Variants in ZNF221 observed in about 807,000 individuals in gnomAD.
ZNF221 encodes zinc finger protein 221.
ZNF221 carries 10 observed loss-of-function variants against 12.6 expected under a neutral mutation model. The observed-to-expected ratio is 0.79, with a 90% CI of 0.49 to 1.34. ZNF221 has a LOEUF of 1.34. ZNF221 is among the 40% of genes most tolerant of loss of function. The probability of loss-of-function intolerance (pLI) is 0.00; values close to 1 mark genes in which losing one functional copy is unlikely to be tolerated. For missense variants in ZNF221, 661 were observed against 721.4 expected (o/e 0.92, Z 0.96); for synonymous variants, 232 against 244.0 (o/e 0.95, Z 0.46).
At chr19:43,974,668 A>G in the ZNF221 span, among the ~76,000 whole-genome samples, 1 of 152,190 alleles carries the variant, frequency 6.6e-6, no homozygotes, top group African/African-American at 2.4e-5. Flanking sequence ...GATAAATGCA[A>G]ATCAAAACCA....
In ZNF221 at chr19:43,966,268, T is replaced by G; in HGVS notation, c.766T>G (p.Cys256Gly). Residue 256 changes from cysteine to glycine, a missense_variant, in exon 5 of 5, where the codon TGT becomes GGT. Cys to Gly is a radical substitution (Grantham distance 159, BLOSUM62 -3). Coordinates refer to ENST00000587682, the MANE Select transcript of ZNF221 (RefSeq NM_001297588.2). Reference sequence around the variant, plus strand: ...CCATACTGGAGAGAAACCATTCAAATGTGGGCAATGTGGGAAAGGCTTCCA... The same window carrying G: ...CCATACTGGAGAGAAACCATTCAAAGGTGGGCAATGTGGGAAAGGCTTCCA... Reference protein sequence around the residue: ...RVHTGEKPFKCGQCGKGFHSR... With the variant: ...RVHTGEKPFKGGQCGKGFHSR... The G allele has an allele frequency of 1.9e-6, 3 of 1,614,098 alleles. No homozygotes were observed. Among genetic ancestry groups the G allele is most frequent in the Non-Finnish European group, 2.5e-6 (3 of 1,180,038 alleles).
the ZNF221 span, among the ~76,000 whole-genome samples, chr19:43,973,594 C>T: frequency 6.6e-6 from 1 of 152,204 alleles, no homozygotes; most frequent in Admixed American, 6.5e-5. Context: ...GCTAGCATTC[C>T]TATAAACCAA....
At chr19:43,968,926 A>T (rs908581772), downstream of ZNF221, among the ~76,000 whole-genome samples, 1 of 152,168 alleles carries the variant, frequency 6.6e-6, no homozygotes, top group African/African-American at 2.4e-5. Context: ...GGTTTGATAC[A>T]CAGAGCTGTG....
chr19:43,971,498 G>A (rs441794), downstream of ZNF221, among the ~76,000 whole-genome samples: 117,419 of 151,670 alleles, frequency 0.77, 46,518 homozygotes, highest in Middle Eastern at 0.89. Flanking sequence ...TTGATACGCC[G>A]TGTTTAAGAG....
chr19:43,965,146 T>C, intron 3 of ZNF221, 70 bp downstream of exon 3: 1 of 1,600,732 alleles, frequency 6.2e-7, no homozygotes, highest in East Asian at 2.2e-5. Context: ...AGTTTGAGTA[T>C]GCATTGGGAA....
the ZNF221 span, among the ~76,000 whole-genome samples, chr19:43,973,359 G>A: frequency 3.3e-5 from 5 of 151,874 alleles, no homozygotes; most frequent in East Asian, 5.8e-4. Context: ...CCAGCCCCCC[G>A]CCCTTTCCCC....
At chr19:43,974,798 C>T in the ZNF221 span, among the ~76,000 whole-genome samples, 2 of 152,098 alleles carry the variant, frequency 1.3e-5, no homozygotes. Context: ...GTGGGTGGAT[C>T]ACTTGAGGTC....
Position 43,966,151 on chromosome 19 carries a change from C to T in ZNF221, c.649C>T (p.Gln217Ter). The change falls in exon 5 of 5, where the codon CAG becomes TAG. Residue 217 changes from glutamine to a stop codon, truncating the protein, a stop_gained. Coordinates refer to ENST00000587682, the MANE Select transcript of ZNF221 (RefSeq NM_001297588.2). LOFTEE classifies it low-confidence loss of function (END_TRUNC). ...TTACAGCCCAGCCCTTCATATTCAT[C>T]AGAGAGTCCATATGGGAGAAAAATG... The part of the protein sequence containing the change: ...FCYSPALHIH[Q>*]RVHMGEKCYK... 6.2e-7 allele frequency: 1 copy of T among 1,614,202 alleles called. No individual in the cohort carries two copies. The highest frequency in any genetic ancestry group is 1.1e-5 in the South Asian group (1 of 91,086).
intron 1 of ZNF221, among the ~76,000 whole-genome samples, chr19:43,954,426 G>A (rs1460611240): frequency 6.6e-6 from 1 of 152,138 alleles, no homozygotes; most frequent in Non-Finnish European, 1.5e-5. Context: ...ACCTTTGGAA[G>A]GGACATTAGA....
rs758117988 is a variant in ZNF221, at chr19:43,967,174, G to A, written c.1672G>A (p.Gly558Arg). The change falls in exon 5 of 5, where the codon GGA (glycine) becomes AGA (arginine). Residue 558 changes from glycine to arginine, a missense_variant. By Grantham distance (125) the Gly-to-Arg change is moderately radical. Coordinates refer to ENST00000587682, the MANE Select transcript of ZNF221 (RefSeq NM_001297588.2). ...NLDMHQRVHGGERPYNCKECG... is the reference protein window; with the variant it reads ...NLDMHQRVHGRERPYNCKECG... ...TGACATGCACCAGAGGGTCCACGGG[G>A]GAGAGCGACCCTATAATTGTAAGGA... The A allele has an allele frequency of 1.3e-6, 2 of 1,593,718 alleles. No homozygotes were observed. The highest frequency in any genetic ancestry group is 1.1e-5 in the South Asian group (1 of 88,818).
At chr19:43,970,202 T>TCAAAG (rs1555757160), downstream of ZNF221, among the ~76,000 whole-genome samples, 1 of 151,888 alleles carries the variant, frequency 6.6e-6, no homozygotes, top group Non-Finnish European at 1.5e-5. Flanking sequence ...GCTTGACTGT[T>TCAAAG]AAAAACAGGC....
intron 1 of ZNF221, among the ~76,000 whole-genome samples, chr19:43,958,150 C>T (rs1351428266): frequency 6.6e-6 from 1 of 152,200 alleles, no homozygotes; most frequent in African/African-American, 2.4e-5. Flanking sequence ...CAATTTGGCC[C>T]AGTTAAACAG....
Position 43,966,113 on chromosome 19 carries a change from G to A in ZNF221, c.611G>A (p.Gly204Glu), listed in dbSNP as rs1974946324. Residue 204 changes from glycine (G) to glutamate (E), a missense_variant, in exon 5 of 5, where the codon GGA becomes GAA. Transcript: ENST00000587682. ...GEKSHTCGEC[G>E]KSFCYSPALH... ...AAATCTCATACATGTGGTGAGTGTG[G>A]AAAAAGCTTCTGTTACAGCCCAGCC... is the stretch of plus-strand genomic sequence containing the variant. The A allele has an allele frequency of 6.2e-7, 1 of 1,614,080 alleles. No individual in the cohort carries two copies. Among genetic ancestry groups the A allele is most frequent in the Admixed American group, 1.7e-5 (1 of 60,004 alleles).
chr19:43,953,643 ACT>A (rs1455611706), intron 1 of ZNF221, among the ~76,000 whole-genome samples: 1 of 152,132 alleles, frequency 6.6e-6, no homozygotes, highest in African/African-American at 2.4e-5. Flanking sequence ...GCCAGCCATC[ACT>A]CAATTCATGA....
At chr19:43,954,365 T>G in intron 1 of ZNF221, among the ~76,000 whole-genome samples, 1 of 152,184 alleles carries the variant, frequency 6.6e-6, no homozygotes, top group East Asian at 1.9e-4. Flanking sequence ...ATTCATTCCT[T>G]TACCCTCAGC....
intron 1 of ZNF221, among the ~76,000 whole-genome samples, chr19:43,958,502 A>G (rs1408656039): frequency 6.6e-6 from 1 of 152,162 alleles, no homozygotes; most frequent in African/African-American, 2.4e-5. Context: ...TATCCAGTTG[A>G]TCAGGCTGGC....
intron 1 of ZNF221, among the ~76,000 whole-genome samples, chr19:43,953,140 G>A (rs954116819): frequency 6.6e-6 from 1 of 151,830 alleles, no homozygotes; most frequent in Non-Finnish European, 1.5e-5. Flanking sequence ...TAGTAAAGAC[G>A]AGTTTTCACC....
At chr19:43,978,210 G>T in the ZNF221 span, among the ~76,000 whole-genome samples, 1 of 152,210 alleles carries the variant, frequency 6.6e-6, no homozygotes, top group Non-Finnish European at 1.5e-5. Flanking sequence ...AAGCTGCATT[G>T]TAGAGTTTAG....
In ZNF221 at chr19:43,967,231, C is replaced by T; in HGVS notation, c.1729C>T (p.Leu577Phe). 6.2e-7 allele frequency: 1 copy of T among 1,614,160 alleles called. No homozygotes were observed. The highest frequency in any genetic ancestry group is 1.3e-5 in the African/African-American group (1 of 75,016). Residue 577 changes from leucine to phenylalanine, a missense_variant, in exon 5 of 5, where the codon CTT (leucine) becomes TTT (phenylalanine). By Grantham distance (22) the Leu-to-Phe change is conservative. Coordinates refer to ENST00000587682, the MANE Select transcript of ZNF221 (RefSeq NM_001297588.2). ...AAAGAGCTTTGGCTGGGCTTCATGTCTTTTGAAACATCAGAGACTCCACAG... is the reference window on the plus strand; with the variant it reads ...AAAGAGCTTTGGCTGGGCTTCATGTTTTTTGAAACATCAGAGACTCCACAG... ...CGKSFGWASC[L>F]LKHQRLHSGE...
Sources: allele counts gnomAD v4.1 joint callset (sites outside exome capture counted in the v4.1 genomes callset), GRCh38; gene constraint gnomAD v4.1.1; transcripts MANE v1.5; gene names NCBI Gene and HGNC (gene_info 2026-07-23, HGNC 2026-07-21).